TMTC2: variants seen among roughly 807,000 people sequenced by gnomAD.
TMTC2 encodes protein O-mannosyl-transferase TMTC2.
TMTC2 carries 43 observed loss-of-function variants against 82.4 expected under a neutral mutation model. That is an observed-to-expected ratio of 0.52 (90% CI 0.41 to 0.67). The LOEUF (loss-of-function observed/expected upper bound fraction) is 0.67, where lower values mean the gene tolerates loss of function less well. TMTC2 is among the 30% of genes least tolerant of loss of function. TMTC2 has a pLI of 0.00. For missense variants in TMTC2, 919 were observed against 1,012.4 expected (o/e 0.91, Z 1.25); for synonymous variants, 408 against 381.9 (o/e 1.07, Z -0.80).
At chr12:82,927,743 T>C (rs1875806955) in intron 3 of TMTC2, among the ~76,000 whole-genome samples, 1 of 152,200 alleles carries the variant, frequency 6.6e-6, no homozygotes, top group African/African-American at 2.4e-5. Context: ...TCAGCAGCCA[T>C]CAGCGTTGAG....
intron 1 of TMTC2, among the ~76,000 whole-genome samples, chr12:82,734,432 G>A (rs140669798): frequency 1.4e-4 from 21 of 152,236 alleles, no homozygotes; most frequent in Admixed American, 1.3e-3. Context: ...ATCAGAGACC[G>A]TTCACATTCC....
At chr12:82,868,245 G>C (rs1871968342) in intron 2 of TMTC2, among the ~76,000 whole-genome samples, 1 of 152,080 alleles carries the variant, frequency 6.6e-6, no homozygotes, top group African/African-American at 2.4e-5. Context: ...CAATTAGCAT[G>C]GCTGCGGCTA....
At chr12:83,057,415 C>T (rs1882585726) in intron 10 of TMTC2, among the ~76,000 whole-genome samples, 1 of 151,884 alleles carries the variant, frequency 6.6e-6, no homozygotes. Flanking sequence ...AAGTTTTCAT[C>T]TAAGAAGGCT....
At chr12:82,689,472 A>G (rs1592849911) in intron 1 of TMTC2, among the ~76,000 whole-genome samples, 1 of 152,242 alleles carries the variant, frequency 6.6e-6, no homozygotes, top group East Asian at 1.9e-4. Flanking sequence ...TAATAATGCA[A>G]CTTGTTATAG....
At chr12:82,974,446 G>T (rs1372302241) in intron 7 of TMTC2, among the ~76,000 whole-genome samples, 2 of 152,168 alleles carry the variant, frequency 1.3e-5, no homozygotes, top group South Asian at 4.1e-4. Context: ...ACATCAGTTA[G>T]ATGAAATAGA....
rs191312289 is a variant in TMTC2 at position 82,735,373 on chromosome 12, T to A, written c.83+47704T>A. Among the ~76,000 whole-genome samples, 98 of 147,656 alleles carry A rather than the reference T, an allele frequency of 6.6e-4. 1 individual carries two copies. In the East Asian group the frequency reaches 0.01, roughly 16 times the overall value. On this transcript the variant is annotated intron_variant, in intron 1 of 11. Transcript: ENST00000321196. Reference sequence around the variant, plus strand: ...GATTTTTTTTTTTTTTGAGACAGAGTCTTACTCCGTCGCCCAGGCTGGAGT... The same window carrying A: ...GATTTTTTTTTTTTTTGAGACAGAGACTTACTCCGTCGCCCAGGCTGGAGT...
chr12:83,014,312 GCCA>G (rs1201565613), intron 8 of TMTC2, among the ~76,000 whole-genome samples: 2 of 152,050 alleles, frequency 1.3e-5, no homozygotes, highest in African/African-American at 4.8e-5. Flanking sequence ...ACAGGCATCT[GCCA>G]CCACGCCCAG....
At chr12:82,765,724 C>A (rs1475096547) in intron 1 of TMTC2, among the ~76,000 whole-genome samples, 2 of 151,132 alleles carry the variant, frequency 1.3e-5, no homozygotes. Flanking sequence ...CAAAAAAAAA[C>A]AAAGAAAAAA....
intron 11 of TMTC2, among the ~76,000 whole-genome samples, chr12:83,090,153 A>G (rs1237281205): frequency 1.3e-5 from 2 of 152,218 alleles, no homozygotes; most frequent in Non-Finnish European, 2.9e-5. Context: ...GCATTAACAT[A>G]TCTAATTTTC....
At chr12:82,954,378 C>T (rs77527610) in intron 4 of TMTC2, among the ~76,000 whole-genome samples, 3,779 of 152,252 alleles carry the variant, frequency 0.025, 63 homozygotes, top group Non-Finnish European at 0.036. Context: ...ACCCTCTCTA[C>T]ACAGTATTGT....
intron 1 of TMTC2, among the ~76,000 whole-genome samples, chr12:82,780,065 A>G (rs1014449482): frequency 1.3e-5 from 2 of 152,168 alleles, no homozygotes; most frequent in Non-Finnish European, 2.9e-5. Context: ...AATTACAGGA[A>G]AGATTATAGT....
At chr12:82,933,108 C>T (rs1341191689) in intron 4 of TMTC2, among the ~76,000 whole-genome samples, 2 of 152,094 alleles carry the variant, frequency 1.3e-5, no homozygotes, top group African/African-American at 2.4e-5. Context: ...TATAGTTCCA[C>T]GATATTTTTT....
At chr12:82,997,380 A>G (rs5028048) in intron 8 of TMTC2, among the ~76,000 whole-genome samples, 372 of 34,940 alleles carry the variant, frequency 0.011, 13 homozygotes, top group East Asian at 0.051. Flanking sequence ...ATATATATAT[A>G]TGTGTATATA....
intron 6 of TMTC2, chr12:82,966,032 G>A: frequency 2.5e-6 from 1 of 401,292 alleles, no homozygotes; most frequent in Admixed American, 3.8e-5. Flanking sequence ...TTCAAGAATG[G>A]GGAAATAACA....
At chr12:82,742,034 C>A (rs1454314870) in intron 1 of TMTC2, among the ~76,000 whole-genome samples, 1 of 152,152 alleles carries the variant, frequency 6.6e-6, no homozygotes, top group Non-Finnish European at 1.5e-5. Flanking sequence ...GCGTGAATGT[C>A]CCCTACTGGA....
chr12:82,723,512 C>T (rs993221793), intron 1 of TMTC2, among the ~76,000 whole-genome samples: 1 of 152,128 alleles, frequency 6.6e-6, no homozygotes, highest in African/African-American at 2.4e-5. Flanking sequence ...GGGATGGGAC[C>T]TATGTCTAAA....
At chr12:82,856,340 G>C (rs1871259172) in intron 1 of TMTC2, among the ~76,000 whole-genome samples, 2 of 152,326 alleles carry the variant, frequency 1.3e-5, no homozygotes. Context: ...TTAGAATGCA[G>C]TAGGAAGGGA....
At chr12:82,778,653 T>A (rs1237828078) in intron 1 of TMTC2, among the ~76,000 whole-genome samples, 1 of 151,744 alleles carries the variant, frequency 6.6e-6, no homozygotes, top group Non-Finnish European at 1.5e-5. Context: ...ATCGAGACCA[T>A]CCCGGCTAAA....
chr12:83,132,473 G>A lies in TMTC2; in HGVS notation c.*84G>A, dbSNP rs567819064. ...GAACTTCCCAGCAGTGCTATGACAA[G>A]AGCTGGTGTTAGACTTCAAGACCAG... On this transcript the variant is annotated 3_prime_UTR_variant, in exon 12 of 12. Coordinates refer to ENST00000321196, the MANE Select transcript of TMTC2 (RefSeq NM_152588.3). The A allele has an allele frequency of 3.6e-5, 54 of 1,486,454 alleles. No individual in the cohort carries two copies. The African/African-American group carries it at 7.5e-4, about 21-fold the overall frequency. 92.1% of individuals were successfully genotyped at this position (1,486,454 alleles called of 1,614,324 possible). A position where few individuals can be genotyped will look rare whatever the true frequency, so the allele number is the denominator to read the frequency against.
Sources: gnomAD v4.1 joint callset for allele counts (sites outside exome capture counted in the v4.1 genomes callset) on GRCh38, gnomAD v4.1.1 for gene constraint, MANE v1.5 for transcripts, NCBI Gene and HGNC (gene_info 2026-07-23, HGNC 2026-07-21) for gene names.